HSD17B12: variants seen among roughly 807,000 people sequenced by gnomAD.
HSD17B12 encodes very-long-chain 3-oxoacyl-CoA reductase.
In HSD17B12, 32 loss-of-function variants were observed where a neutral mutation model predicts 39.3. The observed-to-expected ratio is 0.81, with a 90% CI of 0.61 to 1.09. HSD17B12 has a LOEUF of 1.09. HSD17B12 is among the 50% of genes least tolerant of loss of function. The pLI is 0.00. For synonymous variants in HSD17B12, 150 were observed against 146.7 expected (o/e 1.02, Z -0.16); for missense variants, 342 against 382.9 (o/e 0.89, Z 0.89).
At chr11:43,775,278 G>T (rs1950688825) in intron 3 of HSD17B12, among the ~76,000 whole-genome samples, 3 of 151,342 alleles carry the variant, frequency 2.0e-5, no homozygotes, top group African/African-American at 7.4e-5. Flanking sequence ...GAAACAGAGA[G>T]ATAATACATA....
the HSD17B12 span, among the ~76,000 whole-genome samples, chr11:43,662,606 G>A: frequency 6.6e-6 from 1 of 152,088 alleles, no homozygotes; most frequent in African/African-American, 2.4e-5. Context: ...AAGCTGAAAT[G>A]AGACTTAAAA....
At chr11:43,613,023 G>C in the HSD17B12 span, among the ~76,000 whole-genome samples, 1 of 152,260 alleles carries the variant, frequency 6.6e-6, no homozygotes, top group East Asian at 1.9e-4. Context: ...CAGGAACCAG[G>C]TTTGTTAGGC....
chr11:43,747,187 ACCT>A (rs1760760797), intron 1 of HSD17B12, among the ~76,000 whole-genome samples: 1 of 152,216 alleles, frequency 6.6e-6, no homozygotes, highest in Non-Finnish European at 1.5e-5. Flanking sequence ...CTGAACACCT[ACCT>A]TGTGCATGTT....
chr11:43,847,882 CAAAT>C (rs753025001), intron 9 of HSD17B12, among the ~76,000 whole-genome samples: 13 of 151,868 alleles, frequency 8.6e-5, no homozygotes, highest in Non-Finnish European at 1.9e-4. Context: ...ATTTAGAAAA[CAAAT>C]AGGACAAATT....
the HSD17B12 span, among the ~76,000 whole-genome samples, chr11:43,635,656 G>T: frequency 1.3e-5 from 2 of 152,194 alleles, no homozygotes; most frequent in African/African-American, 2.4e-5. Context: ...TGAAAGAGAA[G>T]TTAGAGTAGC....
At chr11:43,666,276 T>C in the HSD17B12 span, among the ~76,000 whole-genome samples, 1 of 152,194 alleles carries the variant, frequency 6.6e-6, no homozygotes, top group East Asian at 1.9e-4. Flanking sequence ...CAGTCATGGC[T>C]TACTGCAGCC....
chr11:43,672,275 T>A, the HSD17B12 span, among the ~76,000 whole-genome samples: 2 of 152,004 alleles, frequency 1.3e-5, no homozygotes, highest in East Asian at 3.9e-4. Flanking sequence ...GGTGTCAATC[T>A]CCTGACCTCA....
chr11:43,580,195 G>A, the HSD17B12 span, among the ~76,000 whole-genome samples: 1 of 151,422 alleles, frequency 6.6e-6, no homozygotes, highest in Non-Finnish European at 1.5e-5. Flanking sequence ...AGGGAGGGAG[G>A]AAGAGGGAGG....
At chr11:43,760,242 G>T (rs995702493) in intron 3 of HSD17B12, among the ~76,000 whole-genome samples, 1 of 151,956 alleles carries the variant, frequency 6.6e-6, no homozygotes, top group Non-Finnish European at 1.5e-5. Context: ...CAGAAACAGG[G>T]TTTCGCCATG....
chr11:43,567,096 T>C, the HSD17B12 span, among the ~76,000 whole-genome samples: 2 of 152,216 alleles, frequency 1.3e-5, no homozygotes, highest in African/African-American at 4.8e-5. Context: ...TGCTGTTAAG[T>C]GGGATATACA....
intron 1 of HSD17B12, among the ~76,000 whole-genome samples, chr11:43,689,471 C>T (rs959454339): frequency 1.3e-5 from 2 of 152,190 alleles, no homozygotes; most frequent in African/African-American, 4.8e-5. Context: ...GTTTCTCACC[C>T]ACTCAGATTA....
the HSD17B12 span, among the ~76,000 whole-genome samples, chr11:43,571,953 A>G: frequency 6.6e-6 from 1 of 152,214 alleles, no homozygotes; most frequent in Non-Finnish European, 1.5e-5. Flanking sequence ...CTCAGCCTAT[A>G]AAGTTTTCAG....
chr11:43,764,674 A>AC (rs1442323746), intron 3 of HSD17B12, among the ~76,000 whole-genome samples: 1 of 151,986 alleles, frequency 6.6e-6, no homozygotes, highest in African/African-American at 2.4e-5. Flanking sequence ...TTATGGAATG[A>AC]CCCTCTTTAT....
At chr11:43,691,091 G>T (rs1035573558) in intron 1 of HSD17B12, among the ~76,000 whole-genome samples, 3 of 152,128 alleles carry the variant, frequency 2.0e-5, no homozygotes, top group African/African-American at 7.2e-5. Context: ...TCTCCCCAGC[G>T]TGTTCTGGAC....
At chr11:43,562,518 G>A in the HSD17B12 span, among the ~76,000 whole-genome samples, 1 of 152,240 alleles carries the variant, frequency 6.6e-6, no homozygotes, top group Non-Finnish European at 1.5e-5. Context: ...TTGGCTCAGT[G>A]CCTGGCACAT....
chr11:43,644,989 A>C, the HSD17B12 span: 1 of 152,312 alleles, frequency 6.6e-6, no homozygotes, highest in South Asian at 2.1e-4. Context: ...AGGTACCTTT[A>C]GTTCTAGGGA....
intron 8 of HSD17B12, among the ~76,000 whole-genome samples, chr11:43,839,344 G>A (rs1362981621): frequency 1.3e-5 from 2 of 152,070 alleles, no homozygotes; most frequent in Non-Finnish European, 1.5e-5. Context: ...GAAGGGATTC[G>A]TGAACTTCAA....
intron 4 of HSD17B12, among the ~76,000 whole-genome samples, chr11:43,805,589 C>G (rs1830752037): frequency 6.6e-6 from 1 of 152,136 alleles, no homozygotes; most frequent in Admixed American, 6.5e-5. Flanking sequence ...TAAGGAAGAG[C>G]AGAGGCTATT....
chr11:43,619,583 G>A, the HSD17B12 span, among the ~76,000 whole-genome samples: 3 of 151,562 alleles, frequency 2.0e-5, no homozygotes, highest in African/African-American at 7.3e-5. Flanking sequence ...GTAGAGATGG[G>A]GTTTCACCAT....
Sources: allele counts gnomAD v4.1 joint callset (sites outside exome capture counted in the v4.1 genomes callset), GRCh38; gene constraint gnomAD v4.1.1; transcripts MANE v1.5; gene names NCBI Gene and HGNC (gene_info 2026-07-23, HGNC 2026-07-21).